The following TMEM38B variants were observed in gnomAD, a reference collection of about 807,000 sequenced individuals.
TMEM38B encodes the protein transmembrane protein 38B.
TMEM38B carries 24 observed loss-of-function variants against 28.7 expected under a neutral mutation model. The observed-to-expected ratio is 0.84, with a 90% CI of 0.61 to 1.18. The LOEUF (loss-of-function observed/expected upper bound fraction) is 1.18, where lower values mean the gene tolerates loss of function less well. Ranked by LOEUF, TMEM38B falls within the 50% of genes most tolerant of loss-of-function variation. The pLI is 0.00. For missense variants in TMEM38B, 380 were observed against 350.9 expected (o/e 1.08, Z -0.66); for synonymous variants, 131 against 127.7 (o/e 1.03, Z -0.17).
intron 4 of TMEM38B, among the ~76,000 whole-genome samples, chr9:105,732,050 A>T (rs921684192): frequency 7.9e-5 from 12 of 152,190 alleles, no homozygotes; most frequent in African/African-American, 2.9e-4. Flanking sequence ...CATTTCTCTC[A>T]TGACCAGTAG....
intron 2 of TMEM38B, among the ~76,000 whole-genome samples, chr9:105,713,773 C>T (rs1026031334): frequency 6.6e-6 from 1 of 152,200 alleles, no homozygotes; most frequent in African/African-American, 2.4e-5. Flanking sequence ...TTTTCCTGGG[C>T]CCACCCATGG....
At chr9:105,697,826 G>A (rs1835338314) in intron 1 of TMEM38B, among the ~76,000 whole-genome samples, 2 of 151,866 alleles carry the variant, frequency 1.3e-5, no homozygotes, top group African/African-American at 4.8e-5. Context: ...TTTTAAGAAG[G>A]GGTTTCTCAG....
chr9:105,771,759 G>A (rs1826552417), intron 5 of TMEM38B, among the ~76,000 whole-genome samples: 1 of 152,046 alleles, frequency 6.6e-6, no homozygotes, highest in African/African-American at 2.4e-5. Flanking sequence ...ATTCTCTCCA[G>A]GTGTGTACAC....
At chr9:105,710,687 G>T in intron 2 of TMEM38B, 2 of 687,528 alleles carry the variant, frequency 2.9e-6, no homozygotes, top group Non-Finnish European at 5.6e-6. Context: ...GGATCATAAC[G>T]ACCAAATTCA....
intron 1 of TMEM38B, among the ~76,000 whole-genome samples, chr9:105,696,284 C>T (rs1835285656): frequency 6.6e-6 from 1 of 151,980 alleles, no homozygotes; most frequent in African/African-American, 2.4e-5. Flanking sequence ...AATACATTAT[C>T]ATTATTATTA....
At chr9:105,712,008 C>G (rs558091094) in intron 2 of TMEM38B, among the ~76,000 whole-genome samples, 27 of 152,172 alleles carry the variant, frequency 1.8e-4, no homozygotes, top group African/African-American at 6.5e-4. Flanking sequence ...ATTTCTGCCT[C>G]CCAGGTTCAA....
chr9:105,770,019 A>G (rs1478434988), intron 5 of TMEM38B, among the ~76,000 whole-genome samples: 1 of 152,202 alleles, frequency 6.6e-6, no homozygotes, highest in African/African-American at 2.4e-5. Flanking sequence ...TGTTTAATAC[A>G]TGAATGAGGG....
At chr9:105,749,870 T>A (rs1837581745) in intron 5 of TMEM38B, among the ~76,000 whole-genome samples, 1 of 152,214 alleles carries the variant, frequency 6.6e-6, no homozygotes, top group Non-Finnish European at 1.5e-5. Flanking sequence ...TCATTTCTCT[T>A]GAGTATATCA....
chr9:105,745,977 A>C (rs950009985), intron 4 of TMEM38B, among the ~76,000 whole-genome samples: 17 of 152,286 alleles, frequency 1.1e-4, no homozygotes, highest in African/African-American at 3.6e-4. Context: ...TGTTTTGGTT[A>C]CTGTAGCCTT....
intron 4 of TMEM38B, among the ~76,000 whole-genome samples, chr9:105,735,750 T>C (rs1282275649): frequency 6.6e-6 from 1 of 152,224 alleles, no homozygotes; most frequent in Non-Finnish European, 1.5e-5. Flanking sequence ...GTTTGGTGAT[T>C]ATGCATCTTG....
chr9:105,765,167 T>A (rs1826324028), intron 5 of TMEM38B, among the ~76,000 whole-genome samples: 1 of 152,212 alleles, frequency 6.6e-6, no homozygotes, highest in Admixed American at 6.5e-5. Flanking sequence ...ACTTTTTTTG[T>A]TTATAGATTT....
intron 1 of TMEM38B, among the ~76,000 whole-genome samples, chr9:105,704,479 G>A (rs1031189408): frequency 6.6e-6 from 1 of 151,942 alleles, no homozygotes; most frequent in African/African-American, 2.4e-5. Flanking sequence ...TGTTTTATTG[G>A]CCTTTTTTTT....
chr9:105,760,525 A>G lies in TMEM38B; in HGVS notation c.660+12335A>G, dbSNP rs1373454443. The G allele has an allele frequency of 1.1e-5, 8 of 744,228 alleles. No homozygotes were observed. In the East Asian group the frequency reaches 1.2e-4, roughly 11 times the overall value. The allele number at this position is 744,228 out of a possible 1,614,324, so 46.1% of individuals were successfully genotyped here. A position where few individuals can be genotyped will look rare whatever the true frequency, so the allele number is the denominator to read the frequency against. ...GGACTTTGAAAAGCAAAAAGTTTCTACCTCTCAAGCTGCAGTTACAGAACT... is the reference window on the plus strand; with the variant it reads ...GGACTTTGAAAAGCAAAAAGTTTCTGCCTCTCAAGCTGCAGTTACAGAACT... On this transcript the variant is annotated intron_variant, in intron 5 of 5. Transcript: ENST00000374692.
chr9:105,695,152 AC>A (rs1835243832), intron 1 of TMEM38B, among the ~76,000 whole-genome samples: 10 of 142,448 alleles, frequency 7.0e-5, no homozygotes, highest in African/African-American at 2.7e-4. Context: ...TCCTCGCGGT[AC>A]CGCCACTCGC....
intron 5 of TMEM38B, chr9:105,758,851 T>C: frequency 1.0e-6 from 1 of 970,636 alleles, no homozygotes; most frequent in East Asian, 2.4e-5. Context: ...GAAAATGCAG[T>C]TGATAATAGA....
intron 2 of TMEM38B, among the ~76,000 whole-genome samples, chr9:105,711,786 C>T (rs531994062): frequency 6.6e-6 from 1 of 150,504 alleles, no homozygotes; most frequent in East Asian, 2.0e-4. Flanking sequence ...CACCACTGCA[C>T]TCCAGCCTGC....
At position 105,737,187 on chromosome 9, in the gene TMEM38B, C is replaced by T. The variant is rs183867979; in HGVS notation, c.543-10886C>T. On this transcript the variant is annotated intron_variant, in intron 4 of 5. Coordinates refer to ENST00000374692, the MANE Select transcript of TMEM38B (RefSeq NM_018112.3). Reference sequence around the variant, plus strand: ...CTATGAGGTCAGAGTAGATGCAGATCGGCCACAAAGTTAGGGTCTGTGATG... The same window carrying T: ...CTATGAGGTCAGAGTAGATGCAGATTGGCCACAAAGTTAGGGTCTGTGATG... Among the ~76,000 whole-genome samples, 188 of 152,286 alleles carry T rather than the reference C, an allele frequency of 1.2e-3. 1 individual carries two copies. The highest frequency in any genetic ancestry group is 4.2e-3 in the African/African-American group (174 of 41,566).
intron 4 of TMEM38B, 111 bp downstream of exon 4, chr9:105,722,732 A>G (rs1219073856): frequency 1.3e-6 from 1 of 767,078 alleles, no homozygotes; most frequent in Admixed American, 2.9e-5. Context: ...ATAGCTGAAA[A>G]TATAAATAGT....
In TMEM38B at chr9:105,698,891, C is replaced by A. The variant is rs1040709722; in HGVS notation, c.112+4119C>A. On this transcript the variant is annotated intron_variant, in intron 1 of 5. Coordinates refer to ENST00000374692, the MANE Select transcript of TMEM38B (RefSeq NM_018112.3). ...ATCTTATTTTTTTTCCAATCCAGAC[C>A]TAAGTCATTTTGGTAATTTATGTCT... Among the ~76,000 whole-genome samples the A allele has an allele frequency of 2.6e-5, 4 of 151,986 alleles. No individual in the cohort carries two copies. In the East Asian group the frequency reaches 7.7e-4, roughly 29 times the overall value.
Sources: allele counts gnomAD v4.1 joint callset (sites outside exome capture counted in the v4.1 genomes callset), GRCh38; gene constraint gnomAD v4.1.1; transcripts MANE v1.5; gene names NCBI Gene and HGNC (gene_info 2026-07-23, HGNC 2026-07-21).